PARG: variants seen among roughly 807,000 people sequenced by gnomAD.
PARG encodes the protein poly(ADP-ribose) glycohydrolase.
In PARG, 35 loss-of-function variants were observed where a neutral mutation model predicts 113.0. The ratio of observed to expected loss-of-function variants is 0.31; its 90% CI spans 0.24 to 0.41. The LOEUF is 0.41. Ranked by LOEUF, PARG falls within the 10% of genes least tolerant of loss-of-function variation. The probability of loss-of-function intolerance (pLI) is 1.00; values close to 1 mark genes in which losing one functional copy is unlikely to be tolerated. For missense variants in PARG, 797 were observed against 1,169.4 expected (o/e 0.68, Z 4.64); for synonymous variants, 330 against 409.9 (o/e 0.81, Z 2.36).
chr10:49,844,379 T>C (rs782219743), intron 13 of PARG, among the ~76,000 whole-genome samples: 5 of 152,024 alleles, frequency 3.3e-5, no homozygotes, highest in Non-Finnish European at 5.9e-5. Flanking sequence ...TCCTAGCGCT[T>C]TGGGAGTCCG....
intron 1 of PARG, among the ~76,000 whole-genome samples, chr10:49,936,125 G>A (rs1242025943): frequency 3.9e-5 from 6 of 152,040 alleles, no homozygotes; most frequent in African/African-American, 1.4e-4. Flanking sequence ...GAGGGGAGCT[G>A]GAATCTATTT....
intron 15 of PARG, among the ~76,000 whole-genome samples, chr10:49,836,333 T>TTTTTTTTTTTTTTTC (rs1844927965): frequency 7.1e-6 from 1 of 140,034 alleles, no homozygotes. Context: ...TTTTTTTTTT[T>TTTTTTTTTTTTTTTC]TTTAGCCCAG....
chr10:49,918,041 A>T (rs1837601296), intron 6 of PARG, among the ~76,000 whole-genome samples: 1 of 152,162 alleles, frequency 6.6e-6, no homozygotes, highest in Admixed American at 6.5e-5. Flanking sequence ...AGCCAGACAT[A>T]CCCACTATGA....
Position 49,842,190 on chromosome 10 carries a change from A to T in PARG, c.2433-132T>A, listed in dbSNP as rs1380253203. The T allele has an allele frequency of 4.7e-6, 3 of 639,456 alleles. No individual in the cohort carries two copies. In the African/African-American group the frequency reaches 5.5e-5, roughly 12 times the overall value. 39.6% of individuals were successfully genotyped at this position (639,456 alleles called of 1,614,324 possible). ...AAACAAACCAGTGTCTGCAGGTCTG[A>T]GCAAAAGGAAAGGAAAGGAAACACC... On this transcript the variant is annotated intron_variant, in intron 14 of 17. Transcript: ENST00000616448.
chr10:49,941,366 G>A (rs1839051543), intron 1 of PARG, 143 bp downstream of exon 1: 2 of 768,362 alleles, frequency 2.6e-6, no homozygotes, highest in Admixed American at 4.1e-5. Context: ...CCCACTAGTG[G>A]CTTTGGTAGC....
rs576477292 is a variant in PARG at position 49,877,207 on chromosome 10, G to T, written c.1988+2466C>A. Among the ~76,000 whole-genome samples, 592 of 144,748 alleles carry T rather than the reference G, an allele frequency of 4.1e-3. 7 individuals carry two copies. The highest frequency in any genetic ancestry group is 0.014 in the African/African-American group (571 of 40,956). 95.0% of individuals were successfully genotyped at this position (144,748 alleles called of 152,430 possible). On this transcript the variant is annotated intron_variant, in intron 9 of 17. Transcript: ENST00000616448. ...CACAATAAATGCACTGAAATGTCTA[G>T]TTTTTAAGTTTAATTAAAATTTACA...
intron 16 of PARG, among the ~76,000 whole-genome samples, chr10:49,825,831 A>G (rs1434937947): frequency 6.6e-6 from 1 of 152,194 alleles, no homozygotes; most frequent in African/African-American, 2.4e-5. Context: ...CAGCTCACAG[A>G]TAGTTAAAAA....
At chr10:49,927,554 A>G (rs1838269226) in intron 4 of PARG, among the ~76,000 whole-genome samples, 1 of 152,124 alleles carries the variant, frequency 6.6e-6, no homozygotes, top group Non-Finnish European at 1.5e-5. Flanking sequence ...TACTTGTCAC[A>G]TACAGAAGAA....
chr10:49,827,905 C>T (rs1844437741), intron 16 of PARG, among the ~76,000 whole-genome samples: 1 of 151,900 alleles, frequency 6.6e-6, no homozygotes, highest in Admixed American at 6.6e-5. Flanking sequence ...GTATTATCTA[C>T]ATTCTTTGAT....
intron 7 of PARG, among the ~76,000 whole-genome samples, chr10:49,912,271 G>A (rs1318136861): frequency 1.3e-5 from 2 of 152,126 alleles, no homozygotes. Flanking sequence ...TTGCACTCCA[G>A]CCTGGGCAAT....
chr10:49,927,221 C>T (rs1219293976), intron 4 of PARG, among the ~76,000 whole-genome samples: 1 of 151,704 alleles, frequency 6.6e-6, no homozygotes, highest in Non-Finnish European at 1.5e-5. Flanking sequence ...GCAGGCGAAT[C>T]GCTTGAACCT....
At chr10:49,830,927 AAAC>A (rs1243673535) in intron 16 of PARG, among the ~76,000 whole-genome samples, 2 of 152,234 alleles carry the variant, frequency 1.3e-5, no homozygotes, top group Non-Finnish European at 2.9e-5. Flanking sequence ...AATATAATGA[AAAC>A]AAACTCTGAA....
intron 16 of PARG, among the ~76,000 whole-genome samples, chr10:49,822,523 C>T (rs1844152768): frequency 6.6e-6 from 1 of 152,208 alleles, no homozygotes; most frequent in Non-Finnish European, 1.5e-5. Flanking sequence ...CTCTTCCCCA[C>T]AGGAGAAAGC....
At position 49,869,509 on chromosome 10, in the gene PARG, G is replaced by A; in HGVS notation, c.2035C>T (p.Leu679Phe). Residue 679 changes from leucine (L) to phenylalanine (F), a missense_variant, in exon 10 of 18, where the codon CTC (leucine) becomes TTC (phenylalanine). By Grantham distance (22) the Leu-to-Phe change is conservative. Transcript: ENST00000616448. ...SSRKPEKLKT[L>F]FCYFRRVTEK... ...GTGACTCTTCTAAAGTAGCAGAAGA[G>A]CGTTTTAAGTTTCTCCGGTTTCCTT... is the stretch of plus-strand genomic sequence containing the variant. The A allele has an allele frequency of 2.5e-6, 3 of 1,186,954 alleles. No individual in the cohort carries two copies. The highest frequency in any genetic ancestry group is 1.2e-6 in the Non-Finnish European group (1 of 813,038). The allele number at this position is 1,186,954 out of a possible 1,614,324, so 73.5% of individuals were successfully genotyped here.
Position 49,932,265 on chromosome 10 carries a change from G to C in PARG, c.1290C>G (p.Thr430=), listed in dbSNP as rs1554910059. 2.5e-6 allele frequency: 4 copies of C among 1,579,494 alleles called. No individual in the cohort carries two copies. Among genetic ancestry groups the C allele is most frequent in the Non-Finnish European group, 3.5e-6 (4 of 1,148,566 alleles). ...TCTTCCTTTCTGTTCTTTGATGTTT[G>C]GTTTCCCACTGTTCTTTTCTAAGGT... ...AEDRRKEQWE[T]KHQRTERKIP... The change falls in exon 4 of 18, where the codon ACC becomes ACG. Residue 430 remains threonine (T), a synonymous_variant. Transcript: ENST00000616448.
At chr10:49,857,009 C>CAAAAAAAAAAAAAAAAAAAAAATTA in intron 13 of PARG, among the ~76,000 whole-genome samples, 1 of 74,630 alleles carries the variant, frequency 1.3e-5, no homozygotes, top group Non-Finnish European at 2.5e-5. Flanking sequence ...ACCTCTGTCT[C>CAAAAAAAAAAAAAAAAAAAAAATTA]AAAAAAAAAA....
chr10:49,842,930 T>C (rs1554832633), intron 14 of PARG, among the ~76,000 whole-genome samples: 1 of 152,212 alleles, frequency 6.6e-6, no homozygotes, highest in East Asian at 1.9e-4. Flanking sequence ...TGATTCTTTC[T>C]GCCACAATGG....
chr10:49,938,451 C>G (rs1392608712), intron 1 of PARG, among the ~76,000 whole-genome samples: 1 of 152,168 alleles, frequency 6.6e-6, no homozygotes, highest in African/African-American at 2.4e-5. Context: ...GCTATAGATA[C>G]AGCCAAAAGG....
At chr10:49,868,927 A>C (rs1846654910) in intron 10 of PARG, among the ~76,000 whole-genome samples, 1 of 152,124 alleles carries the variant, frequency 6.6e-6, no homozygotes, top group Non-Finnish European at 1.5e-5. Context: ...GCTGGTCATT[A>C]CCAGTATTTG....
Sources: gnomAD v4.1 joint callset for allele counts (sites outside exome capture counted in the v4.1 genomes callset) on GRCh38, gnomAD v4.1.1 for gene constraint, MANE v1.5 for transcripts, NCBI Gene and HGNC (gene_info 2026-07-23, HGNC 2026-07-21) for gene names.